FMN2: variants seen among roughly 807,000 people sequenced by gnomAD.
FMN2 encodes the protein formin 2, also known as formin-2.
Under a neutral mutation model 142.3 loss-of-function variants are expected in FMN2, and 51 were observed. That is an observed-to-expected ratio of 0.36 (90% CI 0.29 to 0.45). The LOEUF (loss-of-function observed/expected upper bound fraction) is 0.45. Ranked by LOEUF, FMN2 falls within the 20% of genes least tolerant of loss-of-function variation. The pLI, the probability that FMN2 is intolerant of heterozygous loss-of-function variation, is 1.00. For missense variants in FMN2, 1,936 were observed against 2,122.8 expected (o/e 0.91, Z 1.73); for synonymous variants, 882 against 869.8 (o/e 1.01, Z -0.25).
intron 8 of FMN2, among the ~76,000 whole-genome samples, chr1:240,300,309 G>C (rs1670152169): frequency 6.6e-6 from 1 of 152,202 alleles, no homozygotes. Flanking sequence ...ACTGTTGAAT[G>C]AATGAACCCT....
chr1:240,188,137 T>A, intron 3 of FMN2, 70 bp from the exon 4 acceptor site: 1 of 1,474,864 alleles, frequency 6.8e-7, no homozygotes, highest in African/African-American at 1.4e-5. Context: ...GTGAAAGTTT[T>A]ATTTTCTGAT....
intron 2 of FMN2, among the ~76,000 whole-genome samples, chr1:240,166,000 T>G (rs888925533): frequency 6.6e-6 from 1 of 152,064 alleles, no homozygotes; most frequent in Non-Finnish European, 1.5e-5. Context: ...GGATCCCCCA[T>G]GAGCCAACCT....
intron 6 of FMN2, among the ~76,000 whole-genome samples, chr1:240,232,267 TTTTA>T (rs1218096151): frequency 1.2e-4 from 12 of 97,474 alleles, no homozygotes; most frequent in African/African-American, 2.9e-4. Flanking sequence ...TTTTTTTTTT[TTTTA>T]AGTAGAGACA....
At chr1:240,333,429 T>A (rs1671445927) in intron 11 of FMN2, among the ~76,000 whole-genome samples, 1 of 152,194 alleles carries the variant, frequency 6.6e-6, no homozygotes, top group Admixed American at 6.5e-5. Context: ...CTTAGCTTTT[T>A]TATTTCCCTA....
At chr1:240,374,637 A>G (rs1316155248) in intron 14 of FMN2, among the ~76,000 whole-genome samples, 1 of 152,210 alleles carries the variant, frequency 6.6e-6, no homozygotes, top group Admixed American at 6.5e-5. Context: ...ATTGAAGAGA[A>G]CTAGGGCCTT....
intron 8 of FMN2, among the ~76,000 whole-genome samples, chr1:240,295,216 ACACACACACT>A (rs1669932236): frequency 6.6e-6 from 1 of 151,424 alleles, no homozygotes; most frequent in South Asian, 2.1e-4. Context: ...ACACACACAC[ACACACACACT>A]CACACACACT....
chr1:240,205,157 C>T (rs111449526), intron 4 of FMN2, among the ~76,000 whole-genome samples: 45 of 152,172 alleles, frequency 3.0e-4, no homozygotes, highest in African/African-American at 9.4e-4. Context: ...CTATGGGGAT[C>T]ATCTGGAACA....
At chr1:240,163,671 C>T (rs1664370515) in intron 2 of FMN2, among the ~76,000 whole-genome samples, 1 of 151,900 alleles carries the variant, frequency 6.6e-6, no homozygotes, top group Non-Finnish European at 1.5e-5. Flanking sequence ...TGAAGTATAA[C>T]TAAGTCCATT....
chr1:240,146,947 A>G (rs1034956822), intron 2 of FMN2, among the ~76,000 whole-genome samples: 11 of 138,456 alleles, frequency 7.9e-5, no homozygotes, highest in Admixed American at 1.6e-4. Context: ...CTAATGGTGG[A>G]TGATGTTCTC....
chr1:240,155,414 A>G (rs1428648668), intron 2 of FMN2, among the ~76,000 whole-genome samples: 1 of 152,118 alleles, frequency 6.6e-6, no homozygotes, highest in Non-Finnish European at 1.5e-5. Context: ...TCTCTGGAAT[A>G]GCTGGGATTA....
chr1:240,253,647 G>A (rs555345294), intron 6 of FMN2, among the ~76,000 whole-genome samples: 15 of 152,186 alleles, frequency 9.9e-5, no homozygotes, highest in African/African-American at 3.4e-4. Context: ...TTCATTTGGA[G>A]GTGTAATATC....
intron 7 of FMN2, among the ~76,000 whole-genome samples, chr1:240,274,641 CAAG>C (rs903433428): frequency 2.0e-5 from 3 of 151,860 alleles, no homozygotes; most frequent in Non-Finnish European, 2.9e-5. Flanking sequence ...TGCAGAATAT[CAAG>C]AAGAAGGGAG....
chr1:240,199,481 G>T (rs530043550), intron 4 of FMN2, among the ~76,000 whole-genome samples: 13 of 152,170 alleles, frequency 8.5e-5, no homozygotes, highest in African/African-American at 3.1e-4. Context: ...TTACAGTAAT[G>T]TTTTCTTTTT....
At chr1:240,376,816 G>A (rs919398741) in intron 14 of FMN2, among the ~76,000 whole-genome samples, 1 of 151,952 alleles carries the variant, frequency 6.6e-6, no homozygotes, top group African/African-American at 2.4e-5. Flanking sequence ...TCCACCATTG[G>A]CTTATATGTT....
At chr1:240,364,428 G>A (rs1028324577) in intron 14 of FMN2, among the ~76,000 whole-genome samples, 55 of 152,034 alleles carry the variant, frequency 3.6e-4, no homozygotes, top group Admixed American at 3.3e-3. Flanking sequence ...TGCGGACACC[G>A]TGAACCAGAC....
chr1:240,310,051 A>G (rs1315579648), intron 8 of FMN2, among the ~76,000 whole-genome samples: 1 of 152,222 alleles, frequency 6.6e-6, no homozygotes, highest in Non-Finnish European at 1.5e-5. Flanking sequence ...GGTCTGACAC[A>G]GTGTTTGAAA....
At chr1:240,367,622 G>A (rs1396211596) in intron 14 of FMN2, among the ~76,000 whole-genome samples, 1 of 151,688 alleles carries the variant, frequency 6.6e-6, no homozygotes, top group Non-Finnish European at 1.5e-5. Flanking sequence ...TAAAAAATAA[G>A]CCGGGAGTGG....
At chr1:240,201,690 A>G (rs1303390482) in intron 4 of FMN2, among the ~76,000 whole-genome samples, 1 of 152,226 alleles carries the variant, frequency 6.6e-6, no homozygotes, top group African/African-American at 2.4e-5. Flanking sequence ...TTAAATTAAA[A>G]TGACACCCTT....
chr1:240,112,198 C>T (rs1661837989), intron 1 of FMN2, among the ~76,000 whole-genome samples: 1 of 141,488 alleles, frequency 7.1e-6, no homozygotes, highest in East Asian at 2.1e-4. Context: ...GTGGTGTGAT[C>T]TCGGCTCACT....
Sources: gnomAD v4.1 joint callset for allele counts (sites outside exome capture counted in the v4.1 genomes callset) on GRCh38, gnomAD v4.1.1 for gene constraint, MANE v1.5 for transcripts, NCBI Gene and HGNC (gene_info 2026-07-23, HGNC 2026-07-21) for gene names.